The following REDIC1 variants were observed in gnomAD, a reference collection of about 807,000 sequenced individuals.
REDIC1 encodes regulator of DNA class I crossover intermediates 1.
the REDIC1 span, among the ~76,000 whole-genome samples, chr12:39,703,990 C>T: frequency 6.6e-6 from 1 of 152,206 alleles, no homozygotes; most frequent in Non-Finnish European, 1.5e-5. Context: ...AAAGCCTAGG[C>T]ATTACCATTC....
chr12:39,844,181 G>T, the REDIC1 span, among the ~76,000 whole-genome samples: 2 of 151,984 alleles, frequency 1.3e-5, no homozygotes, highest in Non-Finnish European at 2.9e-5. Flanking sequence ...TTAACTAGTT[G>T]TGTTACCTGA....
the REDIC1 span, among the ~76,000 whole-genome samples, chr12:39,640,734 C>T: frequency 1.3e-5 from 2 of 151,772 alleles, no homozygotes; most frequent in African/African-American, 4.8e-5. Flanking sequence ...TCATCATTGA[C>T]ATGCAGTATT....
At chr12:39,892,923 A>C in the REDIC1 span, among the ~76,000 whole-genome samples, 1 of 152,334 alleles carries the variant, frequency 6.6e-6, no homozygotes, top group Admixed American at 6.5e-5. Flanking sequence ...CAAAGAAAAA[A>C]AGCAAATCCT....
chr12:39,849,917 G>A, the REDIC1 span, among the ~76,000 whole-genome samples: 2 of 151,788 alleles, frequency 1.3e-5, no homozygotes, highest in African/African-American at 2.4e-5. Context: ...GGGTAATATT[G>A]TTTCTTCTTC....
At chr12:39,817,196 CTCAACAAAT>C in the REDIC1 span, among the ~76,000 whole-genome samples, 1 of 152,192 alleles carries the variant, frequency 6.6e-6, no homozygotes, top group Admixed American at 6.5e-5. Context: ...CACAGGAGTA[CTCAACAAAT>C]TCATTAGAAA....
chr12:39,628,685 A>C, the REDIC1 span, among the ~76,000 whole-genome samples: 1 of 152,186 alleles, frequency 6.6e-6, no homozygotes, highest in Non-Finnish European at 1.5e-5. Flanking sequence ...AGGGGGATTC[A>C]GAAAAGAAAA....
the REDIC1 span, among the ~76,000 whole-genome samples, chr12:39,866,976 T>C: frequency 6.6e-6 from 1 of 152,192 alleles, no homozygotes; most frequent in African/African-American, 2.4e-5. Flanking sequence ...TTTGTTTAAC[T>C]ACTGTTGGCT....
At chr12:39,807,099 G>A in the REDIC1 span, among the ~76,000 whole-genome samples, 1 of 143,748 alleles carries the variant, frequency 7.0e-6, no homozygotes, top group South Asian at 2.1e-4. Context: ...CAACACATTA[G>A]GTTGGTGGAA....
chr12:39,765,390 C>T, the REDIC1 span, among the ~76,000 whole-genome samples: 22 of 152,196 alleles, frequency 1.4e-4, no homozygotes, highest in South Asian at 4.6e-3. Context: ...CTCTACCAGT[C>T]ACTCCCTGAT....
the REDIC1 span, among the ~76,000 whole-genome samples, chr12:39,726,182 C>T: frequency 1.3e-5 from 2 of 151,878 alleles, no homozygotes; most frequent in African/African-American, 4.8e-5. Context: ...TTTAATTATA[C>T]TTCAAGTTCC....
At chr12:39,799,993 A>G in the REDIC1 span, among the ~76,000 whole-genome samples, 1 of 152,168 alleles carries the variant, frequency 6.6e-6, no homozygotes, top group Non-Finnish European at 1.5e-5. Flanking sequence ...CAAAATGAAG[A>G]TTGATGTCTA....
At chr12:39,878,119 A>G in the REDIC1 span, among the ~76,000 whole-genome samples, 3 of 152,186 alleles carry the variant, frequency 2.0e-5, no homozygotes, top group Non-Finnish European at 4.4e-5. Flanking sequence ...TCTTCCTCAA[A>G]AGCCTACATA....
chr12:39,664,699 A>ACACC, the REDIC1 span, among the ~76,000 whole-genome samples: 2 of 152,208 alleles, frequency 1.3e-5, no homozygotes, highest in Non-Finnish European at 2.9e-5. Flanking sequence ...CCAACAGTAT[A>ACACC]AAAGTGTTCC....
chr12:39,702,717 A>C, the REDIC1 span, among the ~76,000 whole-genome samples: 2 of 152,234 alleles, frequency 1.3e-5, no homozygotes, highest in Non-Finnish European at 1.5e-5. Context: ...CCAGCAGCAC[A>C]TGAAAAAGCT....
chr12:39,684,542 T>G, the REDIC1 span, among the ~76,000 whole-genome samples: 1 of 152,220 alleles, frequency 6.6e-6, no homozygotes, highest in African/African-American at 2.4e-5. Context: ...TGTTGTTATA[T>G]CTCCCAATAT....
At chr12:39,714,878 AT>A in the REDIC1 span, among the ~76,000 whole-genome samples, 3 of 151,612 alleles carry the variant, frequency 2.0e-5, no homozygotes, top group Non-Finnish European at 4.4e-5. Flanking sequence ...AGAATTGTCT[AT>A]TCATGCCCTT....
chr12:39,764,697 A>G, the REDIC1 span: 1 of 1,595,664 alleles, frequency 6.3e-7, no homozygotes, highest in African/African-American at 1.4e-5. Flanking sequence ...AAAAAGAGGC[A>G]ATTCAATTAA....
At chr12:39,684,577 C>G in the REDIC1 span, among the ~76,000 whole-genome samples, 4 of 152,064 alleles carry the variant, frequency 2.6e-5, no homozygotes, top group African/African-American at 9.7e-5. Context: ...GTGAAAAAAT[C>G]ATGTTAGGCC....
At chr12:39,650,596 G>T in the REDIC1 span, among the ~76,000 whole-genome samples, 9 of 152,044 alleles carry the variant, frequency 5.9e-5, no homozygotes, top group Admixed American at 1.3e-4. The surrounding 1 kb of genome is among the most constrained non-coding windows in gnomAD (Gnocchi z 4.3). Context: ...TTGAAAAGAA[G>T]TCTCGCTCTT....
Sources: gnomAD v4.1 joint callset for allele counts (sites outside exome capture counted in the v4.1 genomes callset) on GRCh38, gnomAD v4.1.1 for gene constraint, Gnocchi (gnomAD v3.1) non-coding constraint, MANE v1.5 for transcripts, NCBI Gene and HGNC (gene_info 2026-07-23, HGNC 2026-07-21) for gene names.